RPRD1A: variants seen among roughly 807,000 people sequenced by gnomAD.
RPRD1A encodes the protein regulation of nuclear pre-mRNA domain-containing protein 1A.
In RPRD1A, 9 loss-of-function variants were observed where a neutral mutation model predicts 37.8. The ratio of observed to expected loss-of-function variants is 0.24; its 90% CI spans 0.14 to 0.42. The LOEUF is 0.42. Ranked by LOEUF, RPRD1A falls within the 10% of genes least tolerant of loss-of-function variation. The pLI is 1.00. For missense variants in RPRD1A, 255 were observed against 371.0 expected (o/e 0.69, Z 2.57); for synonymous variants, 138 against 139.7 (o/e 0.99, Z 0.08).
At chr18:36,056,324 G>C (rs1018022965) in intron 1 of RPRD1A, among the ~76,000 whole-genome samples, 23 of 151,008 alleles carry the variant, frequency 1.5e-4, no homozygotes, top group African/African-American at 5.1e-4. Context: ...GTCTTGCTTT[G>C]TCTCCCAGGC....
intron 1 of RPRD1A, among the ~76,000 whole-genome samples, chr18:36,046,671 A>G (rs956430200): frequency 1.4e-5 from 2 of 145,084 alleles, no homozygotes; most frequent in African/African-American, 5.1e-5. Context: ...GTCTTCACAG[A>G]AAAAAAAAAA....
intron 1 of RPRD1A, chr18:36,063,858 G>A (rs1385511392): frequency 6.6e-6 from 1 of 152,174 alleles, no homozygotes; most frequent in African/African-American, 2.4e-5. Context: ...GGATTAAAGC[G>A]GCAGCGGTAT....
chr18:36,008,577 G>GTGTGTGTATGTATATATATA, intron 6 of RPRD1A, among the ~76,000 whole-genome samples: 1 of 47,800 alleles, frequency 2.1e-5, no homozygotes, highest in African/African-American at 6.7e-5. Context: ...CCTTGTGTGT[G>GTGTGTGTATGTATATATATA]TATATATATA....
intron 1 of RPRD1A, among the ~76,000 whole-genome samples, chr18:36,057,050 A>C (rs1203857692): frequency 1.1e-5 from 1 of 94,922 alleles, no homozygotes; most frequent in Non-Finnish European, 2.1e-5. Flanking sequence ...CCCTGTTTCT[A>C]CAAAAAAAAA....
intron 1 of RPRD1A, among the ~76,000 whole-genome samples, chr18:36,039,502 G>A (rs1173392386): frequency 2.6e-5 from 4 of 152,158 alleles, no homozygotes; most frequent in Non-Finnish European, 2.9e-5. Context: ...TAAACAATAT[G>A]AAACAGACTT....
At chr18:36,062,265 C>T (rs913442216) in intron 1 of RPRD1A, among the ~76,000 whole-genome samples, 2 of 137,878 alleles carry the variant, frequency 1.5e-5, no homozygotes, top group African/African-American at 5.6e-5. Context: ...TGCAGTGAGC[C>T]GAGATTGCGC....
Position 36,033,305 on chromosome 18 carries a change from A to C in RPRD1A, c.281+403T>G, listed in dbSNP as rs1383623671. Among the ~76,000 whole-genome samples, 115 of 117,226 alleles carry C rather than the reference A, an allele frequency of 9.8e-4. 1 individual carries two copies. The East Asian group carries it at 0.016, about 16-fold the overall frequency. 76.9% of individuals were successfully genotyped at this position (117,226 alleles called of 152,430 possible). On this transcript the variant is annotated intron_variant, in intron 2 of 6. Transcript: ENST00000399022. ...TGAGAGTGAGACTCTGTCTCAAAAAAAAAAAAAAAAAAAAAAAAAAGAATA... is the reference window on the plus strand; with the variant it reads ...TGAGAGTGAGACTCTGTCTCAAAAACAAAAAAAAAAAAAAAAAAAAGAATA...
At chr18:36,055,148 T>C (rs1435902135) in intron 1 of RPRD1A, among the ~76,000 whole-genome samples, 2 of 152,328 alleles carry the variant, frequency 1.3e-5, no homozygotes, top group African/African-American at 2.4e-5. Context: ...TAATACCTCA[T>C]GATATTCAAC....
chr18:36,013,276 G>C (rs1910293276), intron 6 of RPRD1A, among the ~76,000 whole-genome samples: 1 of 152,166 alleles, frequency 6.6e-6, no homozygotes, highest in Non-Finnish European at 1.5e-5. Context: ...TTCTCATGCA[G>C]TAAGGAAGAA....
At chr18:36,028,936 G>A (rs922748377) in intron 4 of RPRD1A, among the ~76,000 whole-genome samples, 2 of 152,200 alleles carry the variant, frequency 1.3e-5, no homozygotes, top group Non-Finnish European at 2.9e-5. Context: ...TTTCATCAGG[G>A]AGAGCGGAAG....
At chr18:36,024,165 G>A (rs1911200818) in intron 6 of RPRD1A, among the ~76,000 whole-genome samples, 3 of 151,942 alleles carry the variant, frequency 2.0e-5, no homozygotes, top group African/African-American at 4.8e-5. Context: ...GCGCACGCGC[G>A]TGATGGAGTC....
At chr18:36,009,640 C>T (rs1910046408) in intron 6 of RPRD1A, among the ~76,000 whole-genome samples, 1 of 152,200 alleles carries the variant, frequency 6.6e-6, no homozygotes, top group African/African-American at 2.4e-5. Context: ...TCCTATGTCT[C>T]TATTTACTTC....
At chr18:36,050,541 C>T (rs989022605) in intron 1 of RPRD1A, among the ~76,000 whole-genome samples, 1 of 152,018 alleles carries the variant, frequency 6.6e-6, no homozygotes, top group African/African-American at 2.4e-5. Context: ...AAAAACTACA[C>T]TTCAACAAAA....
chr18:36,014,910 T>G (rs1222207200), intron 6 of RPRD1A, among the ~76,000 whole-genome samples: 1 of 152,038 alleles, frequency 6.6e-6, no homozygotes, highest in Non-Finnish European at 1.5e-5. Flanking sequence ...CTAATATACA[T>G]TAGGATAGCT....
At chr18:36,045,204 C>T (rs1912870022) in intron 1 of RPRD1A, among the ~76,000 whole-genome samples, 1 of 152,098 alleles carries the variant, frequency 6.6e-6, no homozygotes, top group Admixed American at 6.5e-5. Context: ...CGCACCACTG[C>T]ACTCCATCCT....
intron 6 of RPRD1A, among the ~76,000 whole-genome samples, chr18:36,010,735 G>C (rs750401433): frequency 1.3e-5 from 2 of 152,300 alleles, no homozygotes; most frequent in Middle Eastern, 3.4e-3. Context: ...GCACCAACTT[G>C]ATTTCTGAAA....
rs2144274805 is a variant in RPRD1A at position 36,027,281 on chromosome 18, A to C, written c.516T>G (p.Asp172Glu). Residue 172 changes from aspartate to glutamate, a missense_variant, in exon 5 of 7, where the codon GAT becomes GAG. Coordinates refer to ENST00000399022, the MANE Select transcript of RPRD1A (RefSeq NM_018170.5). ...CATCACCTGAGGCTGCATTTTCCAG[A>C]TCTTGTAATGCTCTAACGAGATCTA... ...QTLDLVRALQ[D>E]LENAASGDAA... The C allele has an allele frequency of 1.2e-6, 2 of 1,613,938 alleles. No individual in the cohort carries two copies. Among genetic ancestry groups the C allele is most frequent in the East Asian group, 2.2e-5 (1 of 44,870 alleles).
At chr18:36,020,564 T>C (rs1910928087) in intron 6 of RPRD1A, among the ~76,000 whole-genome samples, 1 of 152,138 alleles carries the variant, frequency 6.6e-6, no homozygotes, top group Non-Finnish European at 1.5e-5. Flanking sequence ...GATCAATATG[T>C]GAGTGAAAAG....
intron 6 of RPRD1A, among the ~76,000 whole-genome samples, chr18:36,008,569 T>TATATA (rs1555670660): frequency 6.6e-4 from 37 of 56,068 alleles, no homozygotes; most frequent in African/African-American, 4.9e-3. Context: ...CAGCAAGACC[T>TATATA]TGTGTGTGTA....
Sources: allele counts gnomAD v4.1 joint callset (sites outside exome capture counted in the v4.1 genomes callset), GRCh38; gene constraint gnomAD v4.1.1; transcripts MANE v1.5; gene names NCBI Gene and HGNC (gene_info 2026-07-23, HGNC 2026-07-21).